The following B4GALNT1 variants were observed in gnomAD, a reference collection of about 807,000 sequenced individuals.
B4GALNT1 encodes beta-1,4-N-acetyl-galactosaminyltransferase 1.
B4GALNT1 carries 43 observed loss-of-function variants against 55.2 expected under a neutral mutation model. That is an observed-to-expected ratio of 0.78 (90% CI 0.61 to 1.00). The LOEUF (loss-of-function observed/expected upper bound fraction) is 1.00. Ranked by LOEUF, B4GALNT1 falls within the 50% of genes least tolerant of loss-of-function variation. The pLI is 0.00. For synonymous variants in B4GALNT1, 305 were observed against 311.6 expected (o/e 0.98, Z 0.22); for missense variants, 664 against 729.7 (o/e 0.91, Z 1.04).
rs996046310 is a variant in B4GALNT1 at position 57,632,333 on chromosome 12, C to T, written c.-1-200G>A. On this transcript the variant is annotated intron_variant, in intron 1 of 10. Transcript: ENST00000341156. ...TCACTTCCCAGGCCCCAGGGTCTCC[C>T]GGCCTCCTTTCTTCTCGCCCTCTCC... 17 of 699,478 alleles carry T rather than the reference C, an allele frequency of 2.4e-5. No individual in the cohort carries two copies. In the African/African-American group the frequency reaches 3.0e-4, roughly 12 times the overall value. The allele number at this position is 699,478 out of a possible 1,614,324, so 43.3% of individuals were successfully genotyped here. A position where few individuals can be genotyped will look rare whatever the true frequency, so the allele number is the denominator to read the frequency against.
In B4GALNT1 at chr12:57,625,777, A is replaced by T. The variant is rs1424137026; in HGVS notation, c.*967T>A. 6.6e-7 allele frequency: 1 copy of T among 1,508,760 alleles called. No homozygotes were observed. The highest frequency in any genetic ancestry group is 2.3e-5 in the Admixed American group (1 of 43,538). The allele number at this position is 1,508,760 out of a possible 1,614,324, so 93.5% of individuals were successfully genotyped here. A position where few individuals can be genotyped will look rare whatever the true frequency, so the allele number is the denominator to read the frequency against. Reference sequence around the variant, plus strand: ...GGTAAGTGGCTGGAGACCCAGGGAGAGGGGTTTGGGAAAGGGTCTGAGGAA... The same window carrying T: ...GGTAAGTGGCTGGAGACCCAGGGAGTGGGGTTTGGGAAAGGGTCTGAGGAA... On this transcript the variant is annotated 3_prime_UTR_variant, in exon 11 of 11. Transcript: ENST00000341156.
In B4GALNT1 at chr12:57,628,171, G is replaced by A. The variant is rs145474220; in HGVS notation, c.1094C>T (p.Thr365Met). Residue 365 changes from threonine to methionine, a missense_variant, in exon 9 of 11, where the codon ACG becomes ATG. Physicochemically the swap from Thr to Met is moderately conservative, Grantham distance 81 (BLOSUM62 -1). Transcript: ENST00000341156. ...CACGTCCACAAGCCTCTCCAGCCGCGTCCGCGCCGTGAAGACGAAGTCGTC... is the reference window on the plus strand; with the variant it reads ...CACGTCCACAAGCCTCTCCAGCCGCATCCGCGCCGTGAAGACGAAGTCGTC... ...VDDDFVFTAR[T>M]RLERLVDVLE... 1.9e-6 allele frequency: 3 copies of A among 1,614,124 alleles called. No individual in the cohort carries two copies. In the African/African-American group the frequency reaches 4.0e-5, roughly 22 times the overall value.
At position 57,631,941 on chromosome 12, in the gene B4GALNT1, C is replaced by T; in HGVS notation, c.192G>A (p.Pro64=). 1 of 1,445,994 alleles carries T rather than the reference C, an allele frequency of 6.9e-7. No individual in the cohort carries two copies. Among genetic ancestry groups the T allele is most frequent in the Non-Finnish European group, 9.1e-7 (1 of 1,099,372 alleles). The allele number at this position is 1,445,994 out of a possible 1,614,324, so 89.6% of individuals were successfully genotyped here. A position where few individuals can be genotyped will look rare whatever the true frequency, so the allele number is the denominator to read the frequency against. Residue 64 remains proline, a synonymous_variant, in exon 2 of 11, where the codon CCG becomes CCA. Transcript: ENST00000341156. ...LAPEPRYAHI[P]VRIKEQVVGL... is the part of the protein sequence containing the mutation. ...CCACTACTTGCTCCTTGATCCTGACCGGGATGTGTGCGTAGCGGGGCTCAG... is the reference window on the plus strand; with the variant it reads ...CCACTACTTGCTCCTTGATCCTGACTGGGATGTGTGCGTAGCGGGGCTCAG...
At position 57,626,635 on chromosome 12, in the gene B4GALNT1, C is replaced by A; in HGVS notation, c.*109G>T. The A allele has an allele frequency of 2.3e-6, 3 of 1,284,066 alleles. No homozygotes were observed. The highest frequency in any genetic ancestry group is 1.8e-5 in the Admixed American group (1 of 56,744). 79.5% of individuals were successfully genotyped at this position (1,284,066 alleles called of 1,614,324 possible). On this transcript the variant is annotated 3_prime_UTR_variant, in exon 11 of 11. Transcript: ENST00000341156. ...AAAAGGAAGAGTGAGGAACTAGAGG[C>A]TCAGGGACAGCCAGTAGAGTGCTCA...
At chr12:57,628,574 CCAGGAATCCTCATGCTTAA>C (rs1352918592) in intron 8 of B4GALNT1, 120 bp downstream of exon 8, 16 of 1,100,924 alleles carry the variant, frequency 1.5e-5, no homozygotes, top group Non-Finnish European at 2.1e-5. Flanking sequence ...AGCTTACATT[CCAGGAATCCTCATGCTTAA>C]CAGGCACCCC....
chr12:57,632,411 A>C (rs1328921162), intron 1 of B4GALNT1: 1 of 558,728 alleles, frequency 1.8e-6, no homozygotes, highest in African/African-American at 1.9e-5. Flanking sequence ...TGCTGAAGAC[A>C]TTTGGATGCC....
chr12:57,630,371 C>A (rs374886102), intron 5 of B4GALNT1, 39 bp from the exon 6 acceptor site: 2 of 1,602,584 alleles, frequency 1.2e-6, no homozygotes, highest in Admixed American at 1.7e-5. Flanking sequence ...AGGCCCCAGA[C>A]CCACTTCTTG....
Position 57,626,469 on chromosome 12 carries a change from C to A in B4GALNT1, c.*275G>T. The A allele has an allele frequency of 2.0e-6, 1 of 493,930 alleles. No individual in the cohort carries two copies. The highest frequency in any genetic ancestry group is 2.2e-5 in the South Asian group (1 of 44,488). 30.6% of individuals were successfully genotyped at this position (493,930 alleles called of 1,614,324 possible). ...GCTCTTTGGCACTTGGAAAGTGATC[C>A]CCCCATTTCCTGCCCCATGAGAATG... On this transcript the variant is annotated 3_prime_UTR_variant, in exon 11 of 11. Coordinates refer to ENST00000341156, the MANE Select transcript of B4GALNT1 (RefSeq NM_001478.5).
In B4GALNT1 at chr12:57,625,645, T is replaced by TTG. The variant is rs553955920; in HGVS notation, c.*1097_*1098dup. ...GACAGGGTGACTCCAGATCAGCTGT[T>TTG]TGTGAGTGTGCAGGATGCAGCTGCT... On this transcript the variant is annotated 3_prime_UTR_variant, in exon 11 of 11. Transcript: ENST00000341156. The TTG allele has an allele frequency of 3.9e-4, 623 of 1,592,586 alleles. 3 individuals carry two copies. The highest frequency in any genetic ancestry group is 3.8e-5 in the Non-Finnish European group (44 of 1,169,010).
Position 57,631,985 on chromosome 12 carries a change from C to A in B4GALNT1, c.148G>T (p.Glu50Ter). The A allele has an allele frequency of 6.9e-7, 1 of 1,454,938 alleles. No individual in the cohort carries two copies. The highest frequency in any genetic ancestry group is 9.1e-7 in the Non-Finnish European group (1 of 1,103,840). The allele number at this position is 1,454,938 out of a possible 1,614,324, so 90.1% of individuals were successfully genotyped here. The change falls in exon 2 of 11, where the codon GAG becomes TAG. Residue 50 changes from glutamate to a stop codon, truncating the protein, a stop_gained. Coordinates refer to ENST00000341156, the MANE Select transcript of B4GALNT1 (RefSeq NM_001478.5). LOFTEE classifies it high-confidence loss of function. Reference sequence around the variant, plus strand: ...GGCTCAGGAGCAAGATCTGGCAGCTCGGGCCTGCGGGGGCTTTGCGGGGGC... The same window carrying A: ...GGCTCAGGAGCAAGATCTGGCAGCTAGGGCCTGCGGGGGCTTTGCGGGGGC... The part of the protein sequence containing the change: ...WAPPQSPRRP[E>*]LPDLAPEPRY...
chr12:57,628,983 G>C (rs910057961), intron 7 of B4GALNT1, 65 bp downstream of exon 7: 1 of 1,594,678 alleles, frequency 6.3e-7, no homozygotes, highest in African/African-American at 1.3e-5. Context: ...TCCCAGGACT[G>C]CCCTCTCCCA....
At position 57,630,843 on chromosome 12, in the gene B4GALNT1, G is replaced by C. The variant is rs703832; in HGVS notation, c.490+137C>G. ...GTCCTCACTTCCCACCTCCTAAGCC[G>C]CCGTTTGAGCTTAAGTCCCCCATTC... On this transcript the variant is annotated intron_variant, in intron 4 of 10. Coordinates refer to ENST00000341156, the MANE Select transcript of B4GALNT1 (RefSeq NM_001478.5). The C allele has an allele frequency of 0.62, 534,122 of 856,722 alleles. 171,781 individuals carry two copies. Among genetic ancestry groups the C allele is most frequent in the Non-Finnish European group, 0.68 (368,223 of 545,454 alleles). The allele number at this position is 856,722 out of a possible 1,614,324, so 53.1% of individuals were successfully genotyped here. A position where few individuals can be genotyped will look rare whatever the true frequency, so the allele number is the denominator to read the frequency against.
At chr12:57,632,567 G>GAA (rs1565744874) in intron 1 of B4GALNT1, 1 of 248,144 alleles carries the variant, frequency 4.0e-6, no homozygotes, top group African/African-American at 2.3e-5. Flanking sequence ...TGCGGAGGGC[G>GAA]GCTCCACACC....
rs1884628221 is a variant in B4GALNT1, at chr12:57,623,971, C to A, written c.*2773G>T. 5 of 1,611,626 alleles carry A rather than the reference C, an allele frequency of 3.1e-6. No homozygotes were observed. The highest frequency in any genetic ancestry group is 4.2e-6 in the Non-Finnish European group (5 of 1,178,352). ...GAGGGGTAGCTGTATTCCAGGACAT[C>A]GAGGTAGTCAGCCCACCTCCTCTGC... On this transcript the variant is annotated 3_prime_UTR_variant, in exon 11 of 11. Transcript: ENST00000341156.
Position 57,624,431 on chromosome 12 carries a change from G to T in B4GALNT1, c.*2313C>A. ...ACTTGCCTTGGTAGTCACTGCCCTG[G>T]ATCTCTTTACCCAGCAGTGATGGCC... is the stretch of plus-strand genomic sequence containing the variant. On this transcript the variant is annotated 3_prime_UTR_variant, in exon 11 of 11. Coordinates refer to ENST00000341156, the MANE Select transcript of B4GALNT1 (RefSeq NM_001478.5). 1 of 600,100 alleles carries T rather than the reference G, an allele frequency of 1.7e-6. No homozygotes were observed. Among genetic ancestry groups the T allele is most frequent in the South Asian group, 1.5e-5 (1 of 65,980 alleles). The allele number at this position is 600,100 out of a possible 1,614,324, so 37.2% of individuals were successfully genotyped here.
At position 57,625,355 on chromosome 12, in the gene B4GALNT1, C is replaced by A. The variant is rs1255993000; in HGVS notation, c.*1389G>T. ...GGTAGGTTGAGGAGAAACCCCTTAG[C>A]ATCTCACTCATACCCTCTGATCTGG... On this transcript the variant is annotated 3_prime_UTR_variant, in exon 11 of 11. Transcript: ENST00000341156. 1.9e-6 allele frequency: 3 copies of A among 1,613,954 alleles called. No homozygotes were observed. The highest frequency in any genetic ancestry group is 4.5e-5 in the East Asian group (2 of 44,882).
Position 57,625,492 on chromosome 12 carries a change from C to T in B4GALNT1, c.*1252G>A. 6.2e-7 allele frequency: 1 copy of T among 1,614,134 alleles called. No individual in the cohort carries two copies. The highest frequency in any genetic ancestry group is 1.1e-5 in the South Asian group (1 of 91,074). ...GAGATGTGTGGAGAAGAGCGGGGCC[C>T]AGTGCCTGGGCAATGACTGGACACC... On this transcript the variant is annotated 3_prime_UTR_variant, in exon 11 of 11. Transcript: ENST00000341156.
intron 4 of B4GALNT1, 85 bp from the exon 5 acceptor site, chr12:57,630,603 AAT>A: frequency 7.0e-7 from 1 of 1,435,056 alleles, no homozygotes; most frequent in African/African-American, 1.5e-5. Flanking sequence ...CACCACACAC[AAT>A]AGAGAACTTT....
chr12:57,632,520 A>C, intron 1 of B4GALNT1: 4 of 315,326 alleles, frequency 1.3e-5, no homozygotes, highest in Admixed American at 4.8e-5. Context: ...CGCGCCCCCG[A>C]CTCCTCAGTC....
Sources: gnomAD v4.1 joint callset for allele counts on GRCh38, gnomAD v4.1.1 for gene constraint, MANE v1.5 for transcripts, NCBI Gene and HGNC (gene_info 2026-07-23, HGNC 2026-07-21) for gene names.